ZNF354A: variants seen among roughly 807,000 people sequenced by gnomAD.
ZNF354A encodes zinc finger protein 354A.
ZNF354A carries 25 observed loss-of-function variants against 53.3 expected under a neutral mutation model. The observed-to-expected ratio is 0.47, with a 90% confidence interval of 0.34 to 0.66. The LOEUF (loss-of-function observed/expected upper bound fraction) is 0.66. Ranked by LOEUF, ZNF354A falls within the 30% of genes least tolerant of loss-of-function variation. The pLI is 0.01. For missense variants in ZNF354A, 586 were observed against 716.8 expected, an observed-to-expected ratio of 0.82 and a Z score of 2.08; for synonymous variants, 228 against 249.0, an observed-to-expected ratio of 0.92 and a Z score of 0.79.
At chr5:178,716,496 A>C (rs946328248) in intron 4 of ZNF354A, among the ~76,000 whole-genome samples, 3 of 152,206 alleles carry the variant, frequency 2.0e-5, no homozygotes, top group African/African-American at 7.2e-5. Flanking sequence ...TTAAGTGCCT[A>C]CTATGGGCCA....
At chr5:178,729,539 G>A (rs984792079) in intron 1 of ZNF354A, among the ~76,000 whole-genome samples, 7 of 150,378 alleles carry the variant, frequency 4.7e-5, no homozygotes, top group Non-Finnish European at 8.9e-5. Flanking sequence ...ATCATCTCCC[G>A]ACTCCACGGA....
intron 4 of ZNF354A, among the ~76,000 whole-genome samples, chr5:178,721,891 A>G (rs763017201): frequency 1.1e-4 from 17 of 152,138 alleles, no homozygotes; most frequent in Non-Finnish European, 2.2e-4. Context: ...TGTAAATGGC[A>G]CCACCTCTGA....
intron 4 of ZNF354A, among the ~76,000 whole-genome samples, chr5:178,719,397 T>C (rs920240192): frequency 2.0e-5 from 3 of 152,196 alleles, no homozygotes; most frequent in Non-Finnish European, 2.9e-5. Context: ...GAGCTTAGAA[T>C]CATATCCAAC....
At position 178,724,224 on chromosome 5, in the gene ZNF354A, C is replaced by T. The variant is rs972247451; in HGVS notation, c.256+1152G>A. Among the ~76,000 whole-genome samples the T allele has an allele frequency of 2.6e-4, 40 of 151,574 alleles. 1 individual carries two copies. Among genetic ancestry groups the T allele is most frequent in the South Asian group, 8.3e-4 (4 of 4,796 alleles). Reference sequence around the variant, plus strand: ...ACTGCAATCGCTCTGCAAGGCTTCCCGCCTTTTTTTTTTTTTTTAAGACAG... The same window carrying T: ...ACTGCAATCGCTCTGCAAGGCTTCCTGCCTTTTTTTTTTTTTTTAAGACAG... On this transcript the variant is annotated intron_variant, in intron 4 of 4. Coordinates refer to ENST00000335815, the MANE Select transcript of ZNF354A (RefSeq NM_005649.3).
In ZNF354A at chr5:178,728,799, A is replaced by AAG. The variant is rs1384372557; in HGVS notation, c.33+189_33+190dup. On this transcript the variant is annotated intron_variant, in intron 2 of 4. Transcript: ENST00000335815. ...GCGAGATTCAAAAAAAAAAAAAAAAAAGAGAACCACTAGACACGGGTGGGG... is the reference window on the plus strand; with the variant it reads ...GCGAGATTCAAAAAAAAAAAAAAAAAAGAGAGAACCACTAGACACGGGTGGGG... 1.2e-4 allele frequency among the ~76,000 whole-genome samples: 17 copies of AAG among 145,974 alleles called. 1 individual carries two copies. The highest frequency in any genetic ancestry group is 3.8e-4 in the African/African-American group (15 of 39,894).
chr5:178,721,421 T>C (rs752636917), intron 4 of ZNF354A, among the ~76,000 whole-genome samples: 3 of 152,250 alleles, frequency 2.0e-5, no homozygotes, highest in Non-Finnish European at 2.9e-5. Context: ...TTATCATCTA[T>C]GGGAGCATCA....
chr5:178,728,065 C>G (rs1358572527), intron 2 of ZNF354A, among the ~76,000 whole-genome samples: 2 of 152,138 alleles, frequency 1.3e-5, no homozygotes, highest in Non-Finnish European at 2.9e-5. Flanking sequence ...TGGTCTCAAA[C>G]TCCTAACCTC....
intron 4 of ZNF354A, among the ~76,000 whole-genome samples, chr5:178,719,023 A>G (rs1765762648): frequency 6.6e-6 from 1 of 152,146 alleles, no homozygotes; most frequent in South Asian, 2.1e-4. Flanking sequence ...GGATCTCCTC[A>G]CTGTAGAGTG....
intron 4 of ZNF354A, among the ~76,000 whole-genome samples, chr5:178,723,800 C>G (rs552391103): frequency 1.3e-5 from 2 of 151,984 alleles, no homozygotes; most frequent in Non-Finnish European, 2.9e-5. Flanking sequence ...AGAGCCCCCC[C>G]AGTTCAACCA....
chr5:178,720,353 C>T (rs527774342), intron 4 of ZNF354A, among the ~76,000 whole-genome samples: 234 of 152,294 alleles, frequency 1.5e-3, no homozygotes, highest in African/African-American at 5.0e-3. Flanking sequence ...GGTCTTTGCA[C>T]GTTCAATCAA....
chr5:178,711,960 TAC>T lies in ZNF354A; in HGVS notation c.*98_*99del, dbSNP rs949176394. 90 of 1,423,394 alleles carry T rather than the reference TAC, an allele frequency of 6.3e-5. No individual in the cohort carries two copies. In the African/African-American group the frequency reaches 8.4e-4, roughly 13 times the overall value. The allele number at this position is 1,423,394 out of a possible 1,614,324, so 88.2% of individuals were successfully genotyped here. ...AAATACCTAATGAGGGCTAAATTAT[TAC>T]AGTTTTTTTCACATCCATTACATTT... On this transcript the variant is annotated 3_prime_UTR_variant, in exon 5 of 5. Coordinates refer to ENST00000335815, the MANE Select transcript of ZNF354A (RefSeq NM_005649.3).
At chr5:178,726,373 G>A in intron 3 of ZNF354A, 2 of 342,792 alleles carry the variant, frequency 5.8e-6, no homozygotes, top group Non-Finnish European at 5.9e-6. Flanking sequence ...TGCAGTGGCG[G>A]GAACTTGGCT....
chr5:178,730,149 G>A (rs1457394171), intron 1 of ZNF354A, among the ~76,000 whole-genome samples: 1 of 152,222 alleles, frequency 6.6e-6, no homozygotes. Context: ...ACAGGCGTGA[G>A]CCACCGCGCC....
rs1177241380 is a variant in ZNF354A, at chr5:178,713,030, G to A, written c.848C>T (p.Thr283Ile). ...GGTTCTTAGATGTTTATAAAGGGAT[G>A]TACTGAGAGTAAAGGCTTTCCCACA... Reference protein sequence around the residue: ...KECGKAFTLSTSLYKHLRTHT... With the variant: ...KECGKAFTLSISLYKHLRTHT... Residue 283 changes from threonine to isoleucine, a missense_variant, in exon 5 of 5, where the codon ACA (threonine) becomes ATA (isoleucine). Thr to Ile is a moderately conservative substitution (Grantham distance 89). This residue lies in a region of ZNF354A where 573 missense variants were observed against 680.1 expected (regional missense o/e 0.84). Coordinates refer to ENST00000335815, the MANE Select transcript of ZNF354A (RefSeq NM_005649.3). 6.2e-7 allele frequency: 1 copy of A among 1,614,140 alleles called. No homozygotes were observed. The highest frequency in any genetic ancestry group is 1.1e-5 in the South Asian group (1 of 91,078).
chr5:178,723,562 A>C (rs1287345984), intron 4 of ZNF354A, among the ~76,000 whole-genome samples: 1 of 152,074 alleles, frequency 6.6e-6, no homozygotes. Flanking sequence ...GCCCTTCCAC[A>C]GGGAAGCCTT....
At position 178,713,499 on chromosome 5, in the gene ZNF354A, T is replaced by C. The variant is rs201770190; in HGVS notation, c.379A>G (p.Ile127Val). 11 of 1,613,768 alleles carry C rather than the reference T, an allele frequency of 6.8e-6. No homozygotes were observed. The highest frequency in any genetic ancestry group is 9.3e-6 in the Non-Finnish European group (11 of 1,179,998). ...TTTTTCTCTAATCTGCCTTCATATA[T>C]GTAAGGCTTTTCTAATTTCAAATCC... is the stretch of plus-strand genomic sequence containing the variant. ...PWDLKLEKPYIYEGRLEKKQD... is the reference protein window; with the variant it reads ...PWDLKLEKPYVYEGRLEKKQD... The change falls in exon 5 of 5, where the codon ATA becomes GTA. Residue 127 changes from isoleucine (I) to valine (V), a missense_variant. Coordinates refer to ENST00000335815, the MANE Select transcript of ZNF354A (RefSeq NM_005649.3).
At chr5:178,719,737 G>T (rs1045185028) in intron 4 of ZNF354A, among the ~76,000 whole-genome samples, 2 of 152,078 alleles carry the variant, frequency 1.3e-5, no homozygotes, top group African/African-American at 2.4e-5. Context: ...CACGAGGTCA[G>T]GAGATCGAGA....
Position 178,712,631 on chromosome 5 carries a change from C to T in ZNF354A, c.1247G>A (p.Gly416Glu), listed in dbSNP as rs757168402. The T allele has an allele frequency of 2.5e-6, 4 of 1,613,956 alleles. No individual in the cohort carries two copies. In the East Asian group the frequency reaches 8.9e-5, roughly 36 times the overall value. ...TCGTGAAATAGAAGTAAAGCCTTTC[C>T]CACATTCATTGCATCTATAGGGCTT... Reference protein sequence around the residue: ...GEKPYRCNECGKGFTSISRLN... With the variant: ...GEKPYRCNECEKGFTSISRLN... Residue 416 changes from glycine to glutamate, a missense_variant, in exon 5 of 5, where the codon GGG (glycine) becomes GAG (glutamate). This residue lies in a region of ZNF354A where 573 missense variants were observed against 680.1 expected (regional missense o/e 0.84). Coordinates refer to ENST00000335815, the MANE Select transcript of ZNF354A (RefSeq NM_005649.3).
Position 178,712,807 on chromosome 5 carries a change from A to G in ZNF354A, c.1071T>C (p.Asn357=), listed in dbSNP as rs556145591. Residue 357 remains asparagine, a synonymous_variant, in exon 5 of 5, where the codon AAT becomes AAC. Transcript: ENST00000335815. ...TAGACTTAAAGGTGTTGCCACATTC[A>G]TTACATAAGTAGGACTTCTTTCTAG... ...IHSRKKSYLC[N]ECGNTFKSSS... The G allele has an allele frequency of 2.7e-5, 44 of 1,614,134 alleles. No individual in the cohort carries two copies. The highest frequency in any genetic ancestry group is 2.3e-4 in the South Asian group (21 of 91,076).
Sources: gnomAD v4.1 joint callset for allele counts (sites outside exome capture counted in the v4.1 genomes callset) on GRCh38, gnomAD v4.1.1 for gene constraint, gnomAD v4.1.1 regional missense constraint, MANE v1.5 for transcripts, NCBI Gene and HGNC (gene_info 2026-07-23, HGNC 2026-07-21) for gene names.